Variants in RNF19B observed in about 807,000 individuals in gnomAD.
RNF19B encodes the protein ring finger protein 19B.
In RNF19B, 23 loss-of-function variants were observed where a neutral mutation model predicts 65.5. The ratio of observed to expected loss-of-function variants is 0.35; its 90% CI spans 0.25 to 0.50. The LOEUF (loss-of-function observed/expected upper bound fraction) is 0.50. RNF19B is among the 20% of genes least tolerant of loss of function. The pLI is 0.98. For missense variants in RNF19B, 794 were observed against 980.0 expected (o/e 0.81, Z 2.53); for synonymous variants, 372 against 379.6 (o/e 0.98, Z 0.23).
At chr1:32,944,522 T>C (rs1642318889) in intron 5 of RNF19B, among the ~76,000 whole-genome samples, 1 of 152,198 alleles carries the variant, frequency 6.6e-6, no homozygotes, top group African/African-American at 2.4e-5. Flanking sequence ...AAGAATCAAA[T>C]ATTAAATAAG....
Position 32,949,655 on chromosome 1 carries a change from T to G in RNF19B, c.755A>C (p.Asp252Ala). The stretch of plus-strand genomic sequence containing the variant: ...CTGGGCCCTCTGTTGACGGGCCATA[T>G]CGCATGTCTGATTTGGATGCCATAT... ...KQIWHPNQTCDMARQQRAQTL... is the reference protein window; with the variant it reads ...KQIWHPNQTCAMARQQRAQTL... The change falls in exon 2 of 9, where the codon GAT becomes GCT. Residue 252 changes from aspartate (D) to alanine (A), a missense_variant. Transcript: ENST00000235150. 6.2e-7 allele frequency: 1 copy of G among 1,613,918 alleles called. No individual in the cohort carries two copies. Among genetic ancestry groups the G allele is most frequent in the Non-Finnish European group, 8.5e-7 (1 of 1,180,008 alleles).
downstream of RNF19B, among the ~76,000 whole-genome samples, chr1:32,931,839 A>T (rs1642032618): frequency 6.6e-6 from 1 of 152,230 alleles, no homozygotes; most frequent in Admixed American, 6.5e-5. Flanking sequence ...TGAGGTGCCA[A>T]CGTCTTTTCT....
At chr1:32,951,068 A>C (rs1458058187) in intron 1 of RNF19B, among the ~76,000 whole-genome samples, 1 of 150,626 alleles carries the variant, frequency 6.6e-6, no homozygotes, top group African/African-American at 2.5e-5. Context: ...CGATCTCTTG[A>C]CCTTATGATC....
intron 1 of RNF19B, among the ~76,000 whole-genome samples, chr1:32,951,860 T>C (rs1642508068): frequency 6.6e-6 from 1 of 151,636 alleles, no homozygotes; most frequent in Non-Finnish European, 1.5e-5. Flanking sequence ...CGCAGTGGCG[T>C]GATCTCGGCT....
Position 32,945,760 on chromosome 1 carries a change from C to G in RNF19B, c.1147-132G>C, listed in dbSNP as rs1642352031. 6 of 526,040 alleles carry G rather than the reference C, an allele frequency of 1.1e-5. No homozygotes were observed. In the South Asian group the frequency reaches 1.7e-4, roughly 15 times the overall value. 32.6% of individuals were successfully genotyped at this position (526,040 alleles called of 1,614,324 possible). A position where few individuals can be genotyped will look rare whatever the true frequency, so the allele number is the denominator to read the frequency against. ...CATATCCTCTACCCCAAATAGGCATCTTTATCAAATTTTAACCTAACTCAG... is the reference window on the plus strand; with the variant it reads ...CATATCCTCTACCCCAAATAGGCATGTTTATCAAATTTTAACCTAACTCAG... On this transcript the variant is annotated intron_variant, in intron 4 of 8. Coordinates refer to ENST00000235150, the MANE Select transcript of RNF19B (RefSeq NM_001300826.2).
intron 6 of RNF19B, among the ~76,000 whole-genome samples, chr1:32,943,362 A>G (rs1309735690): frequency 6.6e-6 from 1 of 152,064 alleles, no homozygotes; most frequent in Non-Finnish European, 1.5e-5. Context: ...CTGTAATCCC[A>G]GCACTTTGGG....
At chr1:32,936,240 A>C (rs563709120), downstream of RNF19B, among the ~76,000 whole-genome samples, 1 of 152,340 alleles carries the variant, frequency 6.6e-6, no homozygotes, top group South Asian at 2.1e-4. Flanking sequence ...ATAATTCTTC[A>C]GCCTGACTAC....
chr1:32,952,176 T>G (rs1185645785), intron 1 of RNF19B, among the ~76,000 whole-genome samples: 1 of 152,002 alleles, frequency 6.6e-6, no homozygotes, highest in Non-Finnish European at 1.5e-5. Flanking sequence ...CATGTTCATT[T>G]ACCAAGAATT....
chr1:32,959,133 A>T (rs1303936181), intron 1 of RNF19B, among the ~76,000 whole-genome samples: 1 of 152,160 alleles, frequency 6.6e-6, no homozygotes, highest in Non-Finnish European at 1.5e-5. Context: ...CTTCCTGTTT[A>T]TGGGATGGTC....
At chr1:32,953,895 CCACT>C (rs1443036178) in intron 1 of RNF19B, among the ~76,000 whole-genome samples, 2 of 150,278 alleles carry the variant, frequency 1.3e-5, no homozygotes, top group Non-Finnish European at 3.0e-5. Context: ...CCCCCAGCCC[CCACT>C]TCTTTTTTTT....
chr1:32,941,915 G>T (rs971894911), intron 7 of RNF19B, among the ~76,000 whole-genome samples: 1 of 152,064 alleles, frequency 6.6e-6, no homozygotes, highest in Admixed American at 6.6e-5. Flanking sequence ...AGCTAACATG[G>T]TGAAACTCCA....
At chr1:32,933,563 GT>G (rs1642055389), downstream of RNF19B, among the ~76,000 whole-genome samples, 1 of 152,040 alleles carries the variant, frequency 6.6e-6, no homozygotes, top group South Asian at 2.1e-4. Context: ...CCAAGCTATT[GT>G]AACTTTTCTA....
In RNF19B at chr1:32,949,183, C is replaced by T. The variant is rs188440114; in HGVS notation, c.841+386G>A. 2.6e-5 allele frequency among the ~76,000 whole-genome samples: 4 copies of T among 152,270 alleles called. No individual in the cohort carries two copies. In the East Asian group the frequency reaches 7.7e-4, roughly 29 times the overall value. ...TCAATCTGTACTCTACTTCCAAAGGCAGTGAGGCACTTAAGTCAGCTTGAA... is the reference window on the plus strand; with the variant it reads ...TCAATCTGTACTCTACTTCCAAAGGTAGTGAGGCACTTAAGTCAGCTTGAA... On this transcript the variant is annotated intron_variant, in intron 2 of 8. Transcript: ENST00000235150.
rs1347186008 is a variant in RNF19B at position 32,964,475 on chromosome 1, C to CGGCAGG, written c.205_210dup (p.Pro69_Ala70dup). 23 of 950,786 alleles carry CGGCAGG rather than the reference C, an allele frequency of 2.4e-5. No homozygotes were observed. Among genetic ancestry groups the CGGCAGG allele is most frequent in the Non-Finnish European group, 2.9e-5 (23 of 803,478 alleles). The allele number at this position is 950,786 out of a possible 1,614,324, so 58.9% of individuals were successfully genotyped here. On this transcript the variant is annotated inframe_insertion, in exon 1 of 9. Transcript: ENST00000235150. The surrounding 1 kb of genome is among the most constrained non-coding windows in gnomAD (Gnocchi z 6.5). The stretch of plus-strand genomic sequence containing the variant: ...GCCTCGGGCGGCGGGCCCTGGGCCG[C>CGGCAGG]GGCAGGGGCCGGGGCGGGCGGCGGC...
At chr1:32,943,996 G>A in intron 6 of RNF19B, 23 bp downstream of exon 6, 1 of 1,590,196 alleles carries the variant, frequency 6.3e-7, no homozygotes, top group Non-Finnish European at 8.6e-7. Flanking sequence ...AATTCAAATG[G>A]AAATAAACAT....
chr1:32,952,429 T>TAA (rs375150376), intron 1 of RNF19B, among the ~76,000 whole-genome samples: 831 of 73,902 alleles, frequency 0.011, 53 homozygotes, highest in African/African-American at 0.031. Context: ...CCTTTTCTCT[T>TAA]AAAAAAAAAA....
intron 6 of RNF19B, 129 bp downstream of exon 6, chr1:32,943,890 C>A: frequency 1.1e-6 from 1 of 900,952 alleles, no homozygotes. Flanking sequence ...GCTAAAAATA[C>A]TTTACCCCCT....
At chr1:32,958,286 CAT>C (rs995727192) in intron 1 of RNF19B, among the ~76,000 whole-genome samples, 1 of 152,206 alleles carries the variant, frequency 6.6e-6, no homozygotes, top group African/African-American at 2.4e-5. Flanking sequence ...TTAAGAAACT[CAT>C]AAACTTGTTT....
chr1:32,949,498 A>T, intron 2 of RNF19B, 71 bp downstream of exon 2: 1 of 1,355,572 alleles, frequency 7.4e-7, no homozygotes, highest in Non-Finnish European at 1.0e-6. Context: ...CAATAAGATA[A>T]TTTCTTTCAG....
Sources: allele counts gnomAD v4.1 joint callset (sites outside exome capture counted in the v4.1 genomes callset), GRCh38; gene constraint gnomAD v4.1.1; non-coding constraint Gnocchi (gnomAD v3.1); transcripts MANE v1.5; gene names NCBI Gene and HGNC (gene_info 2026-07-23, HGNC 2026-07-21).